Variants in OPCML observed in about 807,000 individuals in gnomAD.
The protein encoded by OPCML is opioid binding protein/cell adhesion molecule like, also known as opioid-binding protein/cell adhesion molecule.
A neutral mutation model predicts 37.8 loss-of-function variants in OPCML; 13 were observed. The observed-to-expected ratio is 0.34, with a 90% confidence interval of 0.22 to 0.55. The LOEUF is 0.55. OPCML is among the 20% of genes least tolerant of loss of function. The probability of loss-of-function intolerance (pLI) is 0.91; values close to 1 mark genes in which losing one functional copy is unlikely to be tolerated. For missense variants in OPCML, 341 were observed against 435.6 expected, an observed-to-expected ratio of 0.78 and a Z score of 1.93; for synonymous variants, 176 against 168.8, an observed-to-expected ratio of 1.04 and a Z score of -0.33.
chr11:133,218,792 G>T (rs748864898), intron 1 of OPCML, among the ~76,000 whole-genome samples: 7 of 152,104 alleles, frequency 4.6e-5, no homozygotes, highest in Non-Finnish European at 1.0e-4. Context: ...CCTGCAAAGA[G>T]GTCTCAGAGG....
chr11:133,390,235 G>A (rs957329840), intron 1 of OPCML, among the ~76,000 whole-genome samples: 1 of 152,176 alleles, frequency 6.6e-6, no homozygotes, highest in East Asian at 1.9e-4. Flanking sequence ...CGAGGCGGAC[G>A]GATCACGAGG....
At chr11:133,458,201 C>T (rs1407397362) in intron 1 of OPCML, among the ~76,000 whole-genome samples, 4 of 129,254 alleles carry the variant, frequency 3.1e-5, no homozygotes, top group South Asian at 2.3e-4. Context: ...CATATATACA[C>T]GTGTGTGTAT....
chr11:132,892,108 G>A (rs990680264), intron 2 of OPCML, among the ~76,000 whole-genome samples: 2 of 152,168 alleles, frequency 1.3e-5, no homozygotes, highest in Admixed American at 6.5e-5. Flanking sequence ...CTCCTCCATC[G>A]CTTTTAAAAG....
At chr11:132,555,413 A>G (rs1054062159) in intron 3 of OPCML, among the ~76,000 whole-genome samples, 2 of 152,104 alleles carry the variant, frequency 1.3e-5, no homozygotes, top group African/African-American at 4.8e-5. Flanking sequence ...TAAAACCATC[A>G]GATCCCATGA....
chr11:132,436,086 C>T lies in OPCML; in HGVS notation c.916G>A (p.Gly306Arg). Residue 306 changes from glycine (G) to arginine (R), a missense_variant and splice_region_variant, in exon 7 of 8, where the codon GGG becomes AGG. Gly to Arg is a moderately radical substitution (Grantham distance 125). Coordinates refer to ENST00000524381, the MANE Select transcript of OPCML (RefSeq NM_001012393.5). ...CTGCATCCAGGCTTCCAGCACTCAC[C>T]ATACAATGTGATGCTGGCATTGGTG... is the stretch of plus-strand genomic sequence containing the variant. The part of the protein sequence containing the change: ...GNTNASITLY[G>R]PGAVIDGVNS... 1 of 1,613,570 alleles carries T rather than the reference C, an allele frequency of 6.2e-7. No homozygotes were observed. Among genetic ancestry groups the T allele is most frequent in the African/African-American group, 1.3e-5 (1 of 75,044 alleles).
intron 1 of OPCML, among the ~76,000 whole-genome samples, chr11:133,386,067 G>A (rs1011857837): frequency 1.3e-5 from 2 of 152,208 alleles, no homozygotes; most frequent in African/African-American, 4.8e-5. Context: ...GAGGGGAAGT[G>A]TGTGTTAATG....
In OPCML at chr11:132,786,530, T is replaced by A. The variant is rs578234702; in HGVS notation, c.147-129211A>T. On this transcript the variant is annotated intron_variant, in intron 2 of 7. Transcript: ENST00000524381. ...GTTCCCCTTGCCTTTCTTACCCACC[T>A]GGCAAGTAGAGATAATAACATTTAC... is the stretch of plus-strand genomic sequence containing the variant. Among the ~76,000 whole-genome samples the A allele has an allele frequency of 2.0e-5, 3 of 152,320 alleles. No individual in the cohort carries two copies. The South Asian group carries it at 6.2e-4, about 32-fold the overall frequency.
chr11:132,641,389 G>C (rs1211420267), intron 3 of OPCML, among the ~76,000 whole-genome samples: 2 of 152,118 alleles, frequency 1.3e-5, no homozygotes, highest in Non-Finnish European at 2.9e-5. Flanking sequence ...AGAGATCCCA[G>C]GTCAGGCCTG....
At chr11:133,332,842 T>C (rs1481379815) in intron 1 of OPCML, among the ~76,000 whole-genome samples, 2 of 152,164 alleles carry the variant, frequency 1.3e-5, no homozygotes, top group South Asian at 2.1e-4. Context: ...AATGTGTTGC[T>C]GGATTTGGTT....
intron 1 of OPCML, among the ~76,000 whole-genome samples, chr11:133,425,089 A>G (rs188529369): frequency 3.9e-5 from 6 of 152,294 alleles, no homozygotes; most frequent in East Asian, 1.9e-4. Context: ...TCTTAGAAAG[A>G]TAGATTGTTC....
chr11:132,518,112 C>T (rs2096284191), intron 4 of OPCML, among the ~76,000 whole-genome samples: 1 of 152,160 alleles, frequency 6.6e-6, no homozygotes, highest in Admixed American at 6.6e-5. Flanking sequence ...GCAGAACATG[C>T]AGCCTTGTTA....
At chr11:132,570,319 A>G (rs1207495947) in intron 3 of OPCML, among the ~76,000 whole-genome samples, 1 of 152,176 alleles carries the variant, frequency 6.6e-6, no homozygotes, top group African/African-American at 2.4e-5. Flanking sequence ...GGCCCTTTAC[A>G]GGAACATTGC....
chr11:132,917,494 T>A (rs1399946949), intron 2 of OPCML, among the ~76,000 whole-genome samples: 3 of 152,192 alleles, frequency 2.0e-5, no homozygotes, highest in African/African-American at 7.2e-5. Context: ...CCTGAAGAGA[T>A]CCCAGACAGA....
rs76078238 is a variant in OPCML, at chr11:132,896,178, C to T, written c.146+46748G>A. Among the ~76,000 whole-genome samples, 1,201 of 152,240 alleles carry T rather than the reference C, an allele frequency of 7.9e-3. 17 individuals are homozygous for T. The highest frequency in any genetic ancestry group is 0.027 in the African/African-American group (1,108 of 41,532). On this transcript the variant is annotated intron_variant, in intron 2 of 7. Transcript: ENST00000524381. ...ATGCCTGATCTCCCTTGGGCTAACA[C>T]AGAGGAAGGGATTCAAAGGCTTAGG... is the stretch of plus-strand genomic sequence containing the variant.
chr11:132,474,827 T>C (rs1565593249), intron 4 of OPCML, among the ~76,000 whole-genome samples: 1 of 152,194 alleles, frequency 6.6e-6, no homozygotes, highest in East Asian at 1.9e-4. Context: ...AAGTCGTGGA[T>C]TGCAGTCACT....
At chr11:132,761,392 GA>G (rs1311554990) in intron 2 of OPCML, among the ~76,000 whole-genome samples, 1 of 152,078 alleles carries the variant, frequency 6.6e-6, no homozygotes, top group Non-Finnish European at 1.5e-5. Flanking sequence ...ATGATATCAC[GA>G]AGTGTGTTTT....
chr11:133,142,946 G>C (rs1031532398), intron 1 of OPCML, among the ~76,000 whole-genome samples: 3 of 152,112 alleles, frequency 2.0e-5, no homozygotes, highest in Non-Finnish European at 2.9e-5. Context: ...TTGTAATTGT[G>C]CAACCCAGGC....
At position 133,452,955 on chromosome 11, in the gene OPCML, T is replaced by C. The variant is rs1012242771; in HGVS notation, c.61+79309A>G. ...GGAAATCTTAACCAAATGTATACTA[T>C]CTTCAGCAACTTGTCTGTAGATTAA... On this transcript the variant is annotated intron_variant, in intron 1 of 7. Coordinates refer to ENST00000524381, the MANE Select transcript of OPCML (RefSeq NM_001012393.5). Among the ~76,000 whole-genome samples the C allele has an allele frequency of 4.0e-5, 6 of 148,294 alleles. 1 individual carries two copies. The highest frequency in any genetic ancestry group is 1.6e-4 in the African/African-American group (6 of 37,750).
At chr11:133,295,445 A>C (rs1942607252) in intron 1 of OPCML, among the ~76,000 whole-genome samples, 1 of 152,216 alleles carries the variant, frequency 6.6e-6, no homozygotes. Context: ...GCAGGATCTG[A>C]AAGTATGGTG....
Sources: gnomAD v4.1 joint callset for allele counts (sites outside exome capture counted in the v4.1 genomes callset) on GRCh38, gnomAD v4.1.1 for gene constraint, MANE v1.5 for transcripts, NCBI Gene and HGNC (gene_info 2026-07-23, HGNC 2026-07-21) for gene names.